IZUMO4: variants seen among roughly 807,000 people sequenced by gnomAD.
IZUMO4 encodes the protein izumo sperm-egg fusion protein 4.
In IZUMO4, 51 loss-of-function variants were observed where a neutral mutation model predicts 37.1. That is an observed-to-expected ratio of 1.38 (90% CI 1.10 to 1.74). IZUMO4 has a LOEUF of 1.74. Among genes scored for constraint, IZUMO4 ranks in the 40% most tolerant of loss-of-function variants. IZUMO4 has a pLI of 0.00. For missense variants in IZUMO4, 364 were observed against 299.6 expected (o/e 1.21, Z -1.59); for synonymous variants, 162 against 121.4 (o/e 1.33, Z -2.20).
Position 2,099,529 on chromosome 19 carries a change from G to T in IZUMO4, c.*184G>T, listed in dbSNP as rs948306172. 1 of 594,108 alleles carries T rather than the reference G, an allele frequency of 1.7e-6. No individual in the cohort carries two copies. Among genetic ancestry groups the T allele is most frequent in the African/African-American group, 1.9e-5 (1 of 53,902 alleles). The allele number at this position is 594,108 out of a possible 1,614,324, so 36.8% of individuals were successfully genotyped here. On this transcript the variant is annotated 3_prime_UTR_variant, in exon 10 of 10. Transcript: ENST00000395301. The stretch of plus-strand genomic sequence containing the variant: ...TGGGGGTGGGCTGTGCGCAGCATCA[G>T]CGCCTGGGCAGGTCCGCAGAGCTGC...
At chr19:2,098,494 A>G (rs1414008454) in intron 7 of IZUMO4, 44 bp downstream of exon 7, 1 of 1,613,292 alleles carries the variant, frequency 6.2e-7, no homozygotes, top group Non-Finnish European at 8.5e-7. Context: ...TGTGTATGTG[A>G]GCACCTCGTG....
Position 2,098,033 on chromosome 19 carries a change from G to T in IZUMO4, c.398-19G>T, listed in dbSNP as rs200674296. 1 of 1,613,304 alleles carries T rather than the reference G, an allele frequency of 6.2e-7. No homozygotes were observed. The highest frequency in any genetic ancestry group is 8.5e-7 in the Non-Finnish European group (1 of 1,179,974). On this transcript the variant is annotated intron_variant, in intron 4 of 9. Coordinates refer to ENST00000395301, the MANE Select transcript of IZUMO4 (RefSeq NM_001039846.2). ...CTGGAGGCTGAGGGGAGCCCTGGCGGCTCTTGTACGTGTTTCAGGCATCTT... is the reference window on the plus strand; with the variant it reads ...CTGGAGGCTGAGGGGAGCCCTGGCGTCTCTTGTACGTGTTTCAGGCATCTT...
In IZUMO4 at chr19:2,098,768, GC is replaced by G; in HGVS notation, c.537-15del. ...GGGGTGCCCCATGGAGGGGCTGACT[GC>G]CCCACATTGCCTTTCAGACAGGACA... On this transcript the variant is annotated intron_variant, in intron 7 of 9. Coordinates refer to ENST00000395301, the MANE Select transcript of IZUMO4 (RefSeq NM_001039846.2). The G allele has an allele frequency of 6.2e-7, 1 of 1,604,392 alleles. No individual in the cohort carries two copies. Among genetic ancestry groups the G allele is most frequent in the Non-Finnish European group, 8.5e-7 (1 of 1,176,230 alleles).
In IZUMO4 at chr19:2,098,717, C is replaced by T. The variant is rs1331798673; in HGVS notation, c.537-70C>T. ...CCCCATCCCAGGTCTGTGGTCAGAG[C>T]CTGGGAGGGTTCCCTACGATGGTTA... On this transcript the variant is annotated intron_variant, in intron 7 of 9. Coordinates refer to ENST00000395301, the MANE Select transcript of IZUMO4 (RefSeq NM_001039846.2). 18 of 1,596,428 alleles carry T rather than the reference C, an allele frequency of 1.1e-5. No individual in the cohort carries two copies. In the Middle Eastern group the frequency reaches 2.5e-3, roughly 223 times the overall value.
Position 2,099,326 on chromosome 19 carries a change from A to G in IZUMO4, c.680A>G (p.Glu227Gly). Residue 227 changes from glutamate to glycine, a missense_variant, in exon 10 of 10, where the codon GAG becomes GGG. Coordinates refer to ENST00000395301, the MANE Select transcript of IZUMO4 (RefSeq NM_001039846.2). ...AACCTGACCTTGGAAGATGCTGCTGAGTGTCTCAAGCAGCACTGACAGCAG... is the reference window on the plus strand; with the variant it reads ...AACCTGACCTTGGAAGATGCTGCTGGGTGTCTCAAGCAGCACTGACAGCAG... The part of the protein sequence containing the change: ...LANLTLEDAA[E>G]CLKQH 1.2e-6 allele frequency: 2 copies of G among 1,612,644 alleles called. No homozygotes were observed. Among genetic ancestry groups the G allele is most frequent in the African/African-American group, 1.3e-5 (1 of 75,002 alleles).
intron 3 of IZUMO4, chr19:2,097,710 A>C (rs560830931): frequency 1.5e-6 from 1 of 687,646 alleles, no homozygotes; most frequent in Non-Finnish European, 2.5e-6. Flanking sequence ...AGGCGCTGGG[A>C]GTGTTGCCAC....
chr19:2,099,080 A>G (rs1274905821), intron 9 of IZUMO4, 51 bp downstream of exon 9: 5 of 1,556,080 alleles, frequency 3.2e-6, no homozygotes, highest in Non-Finnish European at 4.4e-6. Flanking sequence ...CTCGTAAGCC[A>G]ACACCAGCGT....
chr19:2,098,102 G>A lies in IZUMO4; in HGVS notation c.448G>A (p.Val150Ile), dbSNP rs780438348. Residue 150 changes from valine (V) to isoleucine (I), a missense_variant, in exon 5 of 10, where the codon GTC (valine) becomes ATC (isoleucine). Physicochemically the swap from Val to Ile is conservative, Grantham distance 29 (BLOSUM62 3). Transcript: ENST00000395301. ...CTGCAACAACTGCACAGACTCGCAC[G>A]TCGCCTGCTTTGGCTATAACTGCGA... ...ISCNNCTDSHVACFGYNCESS... is the reference protein window; with the variant it reads ...ISCNNCTDSHIACFGYNCESS... The A allele has an allele frequency of 1.5e-5, 24 of 1,613,470 alleles. No individual in the cohort carries two copies. The East Asian group carries it at 3.1e-4, about 21-fold the overall frequency.
In IZUMO4 at chr19:2,097,426, T is replaced by C. The variant is rs550243940; in HGVS notation, c.301T>C (p.Tyr101His). 27 of 1,517,050 alleles carry C rather than the reference T, an allele frequency of 1.8e-5. 1 individual carries two copies. In the African/African-American group the frequency reaches 2.2e-4, roughly 13 times the overall value. The allele number at this position is 1,517,050 out of a possible 1,614,324, so 94.0% of individuals were successfully genotyped here. Residue 101 changes from tyrosine to histidine, a missense_variant and splice_region_variant, in exon 3 of 10, where the codon TAT becomes CAT. By Grantham distance (83) the Tyr-to-His change is moderately conservative. Coordinates refer to ENST00000395301, the MANE Select transcript of IZUMO4 (RefSeq NM_001039846.2). ...LYQGKMYFPG[Y>H]FPNELRNIFR... ...CTTCTCCTGCCTCGACGACTCAGGG[T>C]ATTTCCCCAACGAGCTGCGAAACAT... is the stretch of plus-strand genomic sequence containing the variant.
chr19:2,098,334 T>C lies in IZUMO4; in HGVS notation c.521T>C (p.Ile174Thr), dbSNP rs868478099. 1.7e-5 allele frequency: 27 copies of C among 1,613,878 alleles called. No individual in the cohort carries two copies. The highest frequency in any genetic ancestry group is 9.3e-5 in the African/African-American group (7 of 74,918). ...KSAVQGLLNY[I>T]NNWHKQDTSM... ...GCTGTCCAGGGCCTCCTGAACTACA[T>C]GTGAGTGGGGTCTTTGGGTGGCAGC... Residue 174 changes from isoleucine (I) to threonine (T), a missense_variant and splice_region_variant, in exon 6 of 10, where the codon ATA becomes ACA. Transcript: ENST00000395301.
At chr19:2,097,606 G>A in intron 3 of IZUMO4, 111 bp downstream of exon 3, 1 of 993,494 alleles carries the variant, frequency 1.0e-6, no homozygotes, top group Non-Finnish European at 1.6e-6. Context: ...CCAGGCAGCT[G>A]GGGAGGAGGG....
Position 2,098,894 on chromosome 19 carries a change from G to C in IZUMO4, c.555-82G>C, listed in dbSNP as rs1393249769. On this transcript the variant is annotated intron_variant, in intron 8 of 9. Coordinates refer to ENST00000395301, the MANE Select transcript of IZUMO4 (RefSeq NM_001039846.2). ...GGTCCTCTAGATCAGTGGGGGCACT[G>C]CAGGTGGGGCTCTCCCTATACCTGG... 3 of 1,575,896 alleles carry C rather than the reference G, an allele frequency of 1.9e-6. No homozygotes were observed. In the East Asian group the frequency reaches 6.7e-5, roughly 35 times the overall value.
intron 7 of IZUMO4, 50 bp from the exon 8 acceptor site, chr19:2,098,737 T>C: frequency 1.9e-6 from 3 of 1,601,812 alleles, no homozygotes; most frequent in Non-Finnish European, 2.6e-6. Flanking sequence ...TTCCCTACGA[T>C]GGTTAGGGGT....
In IZUMO4 at chr19:2,099,020, C is replaced by A. The variant is rs1389790553; in HGVS notation, c.599C>A (p.Thr200Asn). The part of the protein sequence containing the change: ...AFSWPGTHRA[T>N]PAFLVSPALR... ...TCCTGGCCTGGGACACACAGAGCCA[C>A]CCCGGCCTTGTGAGTGACCCAGAGA... The change falls in exon 9 of 10, where the codon ACC becomes AAC. Residue 200 changes from threonine (T) to asparagine (N), a missense_variant. By Grantham distance (65) the Thr-to-Asn change is moderately conservative. Transcript: ENST00000395301. 1 of 1,612,932 alleles carries A rather than the reference C, an allele frequency of 6.2e-7. No individual in the cohort carries two copies. The highest frequency in any genetic ancestry group is 1.3e-5 in the African/African-American group (1 of 74,926).
intron 3 of IZUMO4, 189 bp from the exon 4 acceptor site, chr19:2,097,740 C>A: frequency 1.3e-6 from 1 of 742,786 alleles, no homozygotes; most frequent in Non-Finnish European, 2.2e-6. Flanking sequence ...CTGAAGTTTG[C>A]TCCATCTCAC....
At position 2,097,496 on chromosome 19, in the gene IZUMO4, G is replaced by A. The variant is rs747645524; in HGVS notation, c.370+1G>A. 4 of 1,612,770 alleles carry A rather than the reference G, an allele frequency of 2.5e-6. No homozygotes were observed. The highest frequency in any genetic ancestry group is 1.7e-5 in the Admixed American group (1 of 60,020). ...CTCATCCAGAACGCCATCATCGAAAGTGAGCAAATAAGGCTTCAGAGGAGG... is the reference window on the plus strand; with the variant it reads ...CTCATCCAGAACGCCATCATCGAAAATGAGCAAATAAGGCTTCAGAGGAGG... On this transcript the variant is annotated splice_donor_variant, in intron 3 of 9. Transcript: ENST00000395301. LOFTEE classifies it high-confidence loss of function.
At chr19:2,098,510 G>GT in intron 7 of IZUMO4, 60 bp downstream of exon 7, 1 of 1,612,044 alleles carries the variant, frequency 6.2e-7, no homozygotes, top group Non-Finnish European at 8.5e-7. Flanking sequence ...TCGTGGGTGA[G>GT]TATGTGTGGG....
chr19:2,097,534 A>G, intron 3 of IZUMO4, 39 bp downstream of exon 3: 1 of 1,553,042 alleles, frequency 6.4e-7, no homozygotes, highest in Non-Finnish European at 8.9e-7. Flanking sequence ...GGTGTTGCCC[A>G]GAGCCTCGGA....
chr19:2,098,654 G>T, intron 7 of IZUMO4, 133 bp from the exon 8 acceptor site: 1 of 1,555,738 alleles, frequency 6.4e-7, no homozygotes, highest in Non-Finnish European at 8.7e-7. Flanking sequence ...CTGGAGGCGG[G>T]CATCTTTCCT....
Sources: allele counts gnomAD v4.1 joint callset, GRCh38; gene constraint gnomAD v4.1.1; transcripts MANE v1.5; gene names NCBI Gene and HGNC (gene_info 2026-07-23, HGNC 2026-07-21).